DOK5: variants seen among roughly 807,000 people sequenced by gnomAD.
The protein encoded by DOK5 is downstream of tyrosine kinase 5.
Under a neutral mutation model 43.3 loss-of-function variants are expected in DOK5, and 27 were observed. The observed-to-expected ratio is 0.62, with a 90% CI of 0.46 to 0.86. The LOEUF (loss-of-function observed/expected upper bound fraction) is 0.86, where lower values mean the gene tolerates loss of function less well. DOK5 is among the 40% of genes least tolerant of loss of function. DOK5 has a pLI of 0.00. For missense variants in DOK5, 373 were observed against 392.9 expected (o/e 0.95, Z 0.43); for synonymous variants, 146 against 140.1 (o/e 1.04, Z -0.30).
rs76649898 is a variant in DOK5, at chr20:54,557,149, C to T, written c.174+2109C>T. On this transcript the variant is annotated intron_variant, in intron 2 of 7. Transcript: ENST00000262593. ...GGGCTTCTAGAGTCTGTTCGAAACA[C>T]TTATATCACATCACGATATTCTTTG... Among the ~76,000 whole-genome samples the T allele has an allele frequency of 2.4e-3, 367 of 152,240 alleles. 1 individual carries two copies. The highest frequency in any genetic ancestry group is 0.01 in the Middle Eastern group (3 of 294).
At chr20:54,632,613 G>A (rs572835709) in intron 6 of DOK5, among the ~76,000 whole-genome samples, 1 of 152,304 alleles carries the variant, frequency 6.6e-6, no homozygotes, top group South Asian at 2.1e-4. Context: ...GCTATTAGTG[G>A]CAGATTCTAG....
chr20:54,531,708 G>A (rs1022835787), intron 1 of DOK5, among the ~76,000 whole-genome samples: 3 of 152,124 alleles, frequency 2.0e-5, no homozygotes, highest in Admixed American at 6.5e-5. Flanking sequence ...CCAAGAAAGC[G>A]CAAAGAAAGA....
chr20:54,503,451 A>T (rs2146680061), intron 1 of DOK5, among the ~76,000 whole-genome samples: 1 of 152,166 alleles, frequency 6.6e-6, no homozygotes. Context: ...TGTTGCTTTT[A>T]TTCTTGATTT....
intron 6 of DOK5, among the ~76,000 whole-genome samples, chr20:54,614,219 A>T (rs1055225896): frequency 4.6e-5 from 7 of 152,084 alleles, no homozygotes; most frequent in Admixed American, 3.3e-4. Flanking sequence ...TTTTCTTTCC[A>T]AGCAGCCTTC....
At chr20:54,495,116 T>G (rs1163485067) in intron 1 of DOK5, 2 of 151,526 alleles carry the variant, frequency 1.3e-5, no homozygotes, top group Non-Finnish European at 2.9e-5. Flanking sequence ...CTCAGTAGAT[T>G]CATACACTGA....
intron 2 of DOK5, among the ~76,000 whole-genome samples, chr20:54,557,745 C>T (rs894404040): frequency 6.6e-6 from 1 of 152,130 alleles, no homozygotes; most frequent in Non-Finnish European, 1.5e-5. Flanking sequence ...TTGTTCAGTG[C>T]GTTGCTCAAA....
rs1411973955 is a variant in DOK5 at position 54,619,441 on chromosome 20, TG to T, written c.735+8921del. 9.2e-5 allele frequency among the ~76,000 whole-genome samples: 14 copies of T among 152,252 alleles called. No individual in the cohort carries two copies. In the East Asian group the frequency reaches 2.5e-3, roughly 27 times the overall value. On this transcript the variant is annotated intron_variant, in intron 6 of 7. Transcript: ENST00000262593. ...TTTTGGAACAAGGCGTGGCAGTGTGTGGGATATTCCTCATTCCACGACTGGG... is the reference window on the plus strand; with the variant it reads ...TTTTGGAACAAGGCGTGGCAGTGTGTGGATATTCCTCATTCCACGACTGGG...
chr20:54,502,099 A>G lies in DOK5; in HGVS notation c.66+26087A>G, dbSNP rs1600665899. 6.6e-5 allele frequency among the ~76,000 whole-genome samples: 10 copies of G among 152,362 alleles called. No individual in the cohort carries two copies. In the South Asian group the frequency reaches 2.1e-3, roughly 32 times the overall value. ...ATTTGAGTCAGTTCTGTACTGACAG[A>G]ACGTGCATCTCTGGCTATTTGTGGT... On this transcript the variant is annotated intron_variant, in intron 1 of 7. Transcript: ENST00000262593.
intron 6 of DOK5, among the ~76,000 whole-genome samples, chr20:54,636,596 C>T (rs967024699): frequency 6.6e-5 from 10 of 152,116 alleles, no homozygotes; most frequent in Admixed American, 6.5e-4. Context: ...ATTGCATTTC[C>T]AACCAATCAG....
At chr20:54,489,520 C>T (rs570946624) in intron 1 of DOK5, among the ~76,000 whole-genome samples, 8 of 152,130 alleles carry the variant, frequency 5.3e-5, no homozygotes, top group East Asian at 3.9e-4. Context: ...TTGAATAATT[C>T]GATAGGATTC....
At chr20:54,551,496 C>A (rs2146725831) in intron 1 of DOK5, among the ~76,000 whole-genome samples, 1 of 152,204 alleles carries the variant, frequency 6.6e-6, no homozygotes, top group Middle Eastern at 3.4e-3. Context: ...CATGCATTTT[C>A]TTTTTATCGT....
At chr20:54,571,659 A>G (rs1053093634) in intron 2 of DOK5, among the ~76,000 whole-genome samples, 4 of 152,166 alleles carry the variant, frequency 2.6e-5, no homozygotes, top group African/African-American at 9.7e-5. Flanking sequence ...TCTTCCCCAG[A>G]CTGAGGACCA....
intron 6 of DOK5, among the ~76,000 whole-genome samples, chr20:54,634,276 C>T (rs184125635): frequency 2.9e-5 from 4 of 138,822 alleles, no homozygotes; most frequent in Non-Finnish European, 4.5e-5. Flanking sequence ...GAAGTTTTTA[C>T]AAGGCTTTTA....
At chr20:54,585,273 T>C (rs1338426813) in intron 2 of DOK5, among the ~76,000 whole-genome samples, 1 of 152,172 alleles carries the variant, frequency 6.6e-6, no homozygotes, top group Non-Finnish European at 1.5e-5. Flanking sequence ...TGACCCTGGC[T>C]GCTCTGGGAA....
intron 1 of DOK5, among the ~76,000 whole-genome samples, chr20:54,511,147 C>T (rs1202943474): frequency 6.6e-6 from 1 of 152,198 alleles, no homozygotes; most frequent in African/African-American, 2.4e-5. Context: ...CTTCCACTTC[C>T]AGGGTATCAA....
At chr20:54,648,343 A>G (rs76734348) in intron 7 of DOK5, among the ~76,000 whole-genome samples, 2,089 of 152,316 alleles carry the variant, frequency 0.014, 23 homozygotes, top group Non-Finnish European at 0.021. Context: ...TCCATAATCA[A>G]GCAGACATAG....
At chr20:54,529,714 A>G (rs1162471918) in intron 1 of DOK5, among the ~76,000 whole-genome samples, 2 of 152,232 alleles carry the variant, frequency 1.3e-5, no homozygotes, top group Non-Finnish European at 2.9e-5. Context: ...CATTAACAGT[A>G]GTCACTTCTC....
Position 54,646,248 on chromosome 20 carries a change from G to GTTTTTTTTTTTTTTTTTTTT in DOK5, c.856+2675_856+2694dup, listed in dbSNP as rs386394048. Reference sequence around the variant, plus strand: ...TACTGTTATATCCACTGGTTATACTGTTTTTTTTTTTTTTTTTTTTTTTTG... The same window carrying GTTTTTTTTTTTTTTTTTTTT: ...TACTGTTATATCCACTGGTTATACTGTTTTTTTTTTTTTTTTTTTTTTTTTTTTTTTTTTTTTTTTTTTTG... On this transcript the variant is annotated intron_variant, in intron 7 of 7. Transcript: ENST00000262593. 4.3e-4 allele frequency among the ~76,000 whole-genome samples: 34 copies of GTTTTTTTTTTTTTTTTTTTT among 79,932 alleles called. 3 individuals carry two copies. Among genetic ancestry groups the GTTTTTTTTTTTTTTTTTTTT allele is most frequent in the African/African-American group, 7.9e-4 (15 of 18,996 alleles). 52.4% of individuals were successfully genotyped at this position (79,932 alleles called of 152,430 possible).
intron 1 of DOK5, among the ~76,000 whole-genome samples, chr20:54,529,209 T>C (rs970743843): frequency 6.6e-6 from 1 of 152,214 alleles, no homozygotes; most frequent in Admixed American, 6.5e-5. Context: ...TTAAGGAAGA[T>C]AGACATAATT....
Sources: gnomAD v4.1 joint callset for allele counts (sites outside exome capture counted in the v4.1 genomes callset) on GRCh38, gnomAD v4.1.1 for gene constraint, MANE v1.5 for transcripts, NCBI Gene and HGNC (gene_info 2026-07-23, HGNC 2026-07-21) for gene names.